ASIP: variants seen among roughly 807,000 people sequenced by gnomAD.
ASIP encodes the protein agouti signaling protein, also known as agouti-signaling protein.
In ASIP, 11 loss-of-function variants were observed where a neutral mutation model predicts 10.3. The ratio of observed to expected loss-of-function variants is 1.07; its 90% confidence interval spans 0.68 to 1.78. The LOEUF (loss-of-function observed/expected upper bound fraction) is 1.78. Among genes scored for constraint, ASIP ranks in the 40% most tolerant of loss-of-function variants. The probability of loss-of-function intolerance (pLI) is 0.00; values close to 1 mark genes in which losing one functional copy is unlikely to be tolerated. For synonymous variants in ASIP, 70 were observed against 70.8 expected (o/e 0.99, Z 0.06); for missense variants, 180 against 169.2 (o/e 1.06, Z -0.35).
rs532447447 is a variant in ASIP at position 34,245,399 on chromosome 20, T to A, written c.-11+3910T>A. Among the ~76,000 whole-genome samples the A allele has an allele frequency of 2.8e-3, 420 of 151,476 alleles. 1 individual carries two copies. The highest frequency in any genetic ancestry group is 4.3e-3 in the Non-Finnish European group (294 of 67,840). On this transcript the variant is annotated intron_variant, in intron 1 of 3. Coordinates refer to ENST00000374954, the MANE Select transcript of ASIP (RefSeq NM_001672.3). ...AGTACCAAATGACCAAATTTTATTT[T>A]ATTTTTTTAGACAGAGTCTCACTCT... is the stretch of plus-strand genomic sequence containing the variant.
At chr20:34,192,629 T>C (rs1420591832), upstream of ASIP, among the ~76,000 whole-genome samples, 6 of 152,074 alleles carry the variant, frequency 3.9e-5, no homozygotes, top group Non-Finnish European at 8.8e-5. Context: ...GTCTATTCTT[T>C]TGTGAAGAAC....
At chr20:34,213,385 G>T in intron 1 of ASIP, 1 of 616,376 alleles carries the variant, frequency 1.6e-6, no homozygotes, top group Non-Finnish European at 2.8e-6. Flanking sequence ...GTTAATGCCA[G>T]AGAGTGGAGT....
chr20:34,266,489 A>G (rs961198066), intron 3 of ASIP, among the ~76,000 whole-genome samples: 7 of 152,084 alleles, frequency 4.6e-5, no homozygotes, highest in South Asian at 2.1e-4. Context: ...CCTAGCCAAC[A>G]TGGTGAAACC....
intron 1 of ASIP, chr20:34,214,605 C>A: frequency 7.7e-7 from 1 of 1,292,200 alleles, no homozygotes; most frequent in Non-Finnish European, 1.1e-6. Flanking sequence ...CCAGTAGTAA[C>A]TCTCGTGAAA....
At chr20:34,190,715 A>T (rs2034819685), upstream of ASIP, among the ~76,000 whole-genome samples, 1 of 152,176 alleles carries the variant, frequency 6.6e-6, no homozygotes. Flanking sequence ...GAAGAAACAC[A>T]CACATCCCAT....
intron 1 of ASIP, among the ~76,000 whole-genome samples, chr20:34,252,676 C>T (rs1444847760): frequency 1.3e-5 from 2 of 152,278 alleles, no homozygotes; most frequent in East Asian, 1.9e-4. Flanking sequence ...TCACTACTCC[C>T]CCTCAGCACA....
intron 1 of ASIP, among the ~76,000 whole-genome samples, chr20:34,210,263 TG>T (rs1024376748): frequency 3.3e-5 from 5 of 152,308 alleles, no homozygotes; most frequent in African/African-American, 1.2e-4. Context: ...TGTGGCCCTT[TG>T]GGGAGCCCAG....
At chr20:34,187,200 C>T in the ASIP span, among the ~76,000 whole-genome samples, 1 of 152,130 alleles carries the variant, frequency 6.6e-6, no homozygotes, top group East Asian at 1.9e-4. Flanking sequence ...ATCAGTGATC[C>T]ACAAAGGGGT....
chr20:34,236,771 G>A (rs962178404), upstream of ASIP, among the ~76,000 whole-genome samples: 2 of 152,176 alleles, frequency 1.3e-5, no homozygotes, highest in African/African-American at 4.8e-5. Flanking sequence ...AGAATTTTGG[G>A]AAACTCTAGA....
rs541704220 is a variant in ASIP at position 34,246,557 on chromosome 20, C to T, written c.-11+5068C>T. ...CTCAGCTCACTGCAACCTCTGCCTC[C>T]GGGCTCAAGCAATCCTCCCACCTCA... is the stretch of plus-strand genomic sequence containing the variant. On this transcript the variant is annotated intron_variant, in intron 1 of 3. Transcript: ENST00000374954. The T allele has an allele frequency of 4.7e-4, 405 of 867,410 alleles. 1 individual carries two copies. The highest frequency in any genetic ancestry group is 6.7e-4 in the Middle Eastern group (2 of 2,970). The allele number at this position is 867,410 out of a possible 1,614,324, so 53.7% of individuals were successfully genotyped here.
At chr20:34,265,287 T>C (rs1374377111) in intron 3 of ASIP, among the ~76,000 whole-genome samples, 5 of 146,270 alleles carry the variant, frequency 3.4e-5, no homozygotes, top group Non-Finnish European at 7.6e-5. Flanking sequence ...CTTTGGGAGG[T>C]TGAGGTTGGC....
At chr20:34,217,437 CAAAAAAAG>C (rs1254704601) in intron 1 of ASIP, among the ~76,000 whole-genome samples, 2 of 150,478 alleles carry the variant, frequency 1.3e-5, no homozygotes, top group East Asian at 1.9e-4. Context: ...GACTCCAACT[CAAAAAAAG>C]AAAAAAAGAA....
At chr20:34,235,069 T>C (rs567734912) in intron 1 of ASIP, 2 of 152,384 alleles carry the variant, frequency 1.3e-5, no homozygotes, top group South Asian at 4.1e-4. Context: ...GTGATGATTA[T>C]TGCTCACCAG....
upstream of ASIP, among the ~76,000 whole-genome samples, chr20:34,191,730 C>CA: frequency 8.0e-6 from 1 of 125,148 alleles, no homozygotes; most frequent in African/African-American, 3.3e-5. Context: ...CTCTCTCTCT[C>CA]TTTTTTTTTT....
At chr20:34,252,743 C>T (rs2035498684) in intron 1 of ASIP, among the ~76,000 whole-genome samples, 1 of 152,072 alleles carries the variant, frequency 6.6e-6, no homozygotes, top group South Asian at 2.1e-4. Flanking sequence ...CCCACGAGGC[C>T]ATATCTCAGG....
chr20:34,239,729 T>C (rs1393746389), upstream of ASIP, among the ~76,000 whole-genome samples: 1 of 152,212 alleles, frequency 6.6e-6, no homozygotes, highest in Non-Finnish European at 1.5e-5. Context: ...TATTCACTTA[T>C]CTTTCCAGTT....
chr20:34,187,039 C>G, the ASIP span, among the ~76,000 whole-genome samples: 1 of 152,254 alleles, frequency 6.6e-6, no homozygotes, highest in Middle Eastern at 3.4e-3. Flanking sequence ...GTCTCGATCT[C>G]CTGACCTCAT....
chr20:34,258,734 GTA>G (rs1230113593), intron 1 of ASIP, among the ~76,000 whole-genome samples: 12 of 41,958 alleles, frequency 2.9e-4, no homozygotes, highest in East Asian at 1.6e-3. Context: ...AATATATATA[GTA>G]TATATATACT....
At chr20:34,217,944 T>C (rs2035021095) in intron 1 of ASIP, among the ~76,000 whole-genome samples, 1 of 152,256 alleles carries the variant, frequency 6.6e-6, no homozygotes, top group Non-Finnish European at 1.5e-5. Context: ...TGTCTCCAAA[T>C]ACCAGTCTCA....
Sources: gnomAD v4.1 joint callset for allele counts (sites outside exome capture counted in the v4.1 genomes callset) on GRCh38, gnomAD v4.1.1 for gene constraint, MANE v1.5 for transcripts, NCBI Gene and HGNC (gene_info 2026-07-23, HGNC 2026-07-21) for gene names.